CAMK2D: variants seen among roughly 807,000 people sequenced by gnomAD.
The protein encoded by CAMK2D is calcium/calmodulin dependent protein kinase II delta.
Under a neutral mutation model 84.0 loss-of-function variants are expected in CAMK2D, and 37 were observed. The ratio of observed to expected loss-of-function variants is 0.44; its 90% CI spans 0.34 to 0.58. The LOEUF (loss-of-function observed/expected upper bound fraction) is 0.58, where lower values mean the gene tolerates loss of function less well. Ranked by LOEUF, CAMK2D falls within the 20% of genes least tolerant of loss-of-function variation. The pLI, the probability that CAMK2D is intolerant of heterozygous loss-of-function variation, is 0.02. For missense variants in CAMK2D, 448 were observed against 652.5 expected, an observed-to-expected ratio of 0.69 and a Z score of 3.41; for synonymous variants, 202 against 212.5, an observed-to-expected ratio of 0.95 and a Z score of 0.43.
chr4:113,661,810 CA>C, intron 2 of CAMK2D, 38 bp from the exon 3 acceptor site: 1 of 1,033,498 alleles, frequency 9.7e-7, no homozygotes, highest in Non-Finnish European at 1.4e-6. Flanking sequence ...AAAAATAAAG[CA>C]AAAAATAATA....
At chr4:113,480,071 C>G (rs996875206) in intron 16 of CAMK2D, among the ~76,000 whole-genome samples, 27 of 152,146 alleles carry the variant, frequency 1.8e-4, no homozygotes, top group African/African-American at 6.5e-4. Context: ...CAGCAATTCT[C>G]CTGCCTCAGC....
At chr4:113,536,886 T>C (rs2154187436) in intron 7 of CAMK2D, among the ~76,000 whole-genome samples, 1 of 152,322 alleles carries the variant, frequency 6.6e-6, no homozygotes, top group African/African-American at 2.4e-5. Context: ...AGATGCTTCA[T>C]AATTTTTAAA....
At chr4:113,639,094 A>T (rs2099121536) in intron 3 of CAMK2D, among the ~76,000 whole-genome samples, 1 of 151,594 alleles carries the variant, frequency 6.6e-6, no homozygotes. Flanking sequence ...AAAAAAAAAA[A>T]AATAGCCCGG....
In CAMK2D at chr4:113,502,956, G is replaced by A. The variant is rs540792365; in HGVS notation, c.1066C>T (p.His356Tyr). 1.9e-6 allele frequency: 3 copies of A among 1,608,146 alleles called. No individual in the cohort carries two copies. Among genetic ancestry groups the A allele is most frequent in the East Asian group, 2.2e-5 (1 of 44,836 alleles). Residue 356 changes from histidine (H) to tyrosine (Y), a missense_variant, in exon 15 of 21, where the codon CAC (histidine) becomes TAC (tyrosine). Coordinates refer to ENST00000511664, the MANE Select transcript of CAMK2D (RefSeq NM_001321571.2). ...AATACCTTGTTTCCATCAGGGTTGT[G>A]GATTACAGTAGTTTGGGGCTCCTGA... is the stretch of plus-strand genomic sequence containing the variant. ...PALEPQTTVI[H>Y]NPDGNKESTE... is the part of the protein sequence containing the mutation.
Position 113,661,766 on chromosome 4 carries a change from T to C in CAMK2D, c.167A>G (p.Gln56Arg). 1 of 1,486,510 alleles carries C rather than the reference T, an allele frequency of 6.7e-7. No individual in the cohort carries two copies. Among genetic ancestry groups the C allele is most frequent in the Non-Finnish European group, 9.1e-7 (1 of 1,097,512 alleles). The allele number at this position is 1,486,510 out of a possible 1,614,324, so 92.1% of individuals were successfully genotyped here. ...GATTCTAGCTTCTCTTTCTAGTTTC[T>C]GATGATCTGTTAAAAAAAAAAACAG... is the stretch of plus-strand genomic sequence containing the variant. ...NTKKLSARDH[Q>R]KLEREARICR... is the part of the protein sequence containing the mutation. The change falls in exon 3 of 21, where the codon CAG becomes CGG. Residue 56 changes from glutamine to arginine, a missense_variant. Physicochemically the swap from Gln to Arg is conservative, Grantham distance 43 (BLOSUM62 1). This residue lies in a region of CAMK2D where 46 missense variants were observed against 46.3 expected (regional missense o/e 0.99). Coordinates refer to ENST00000511664, the MANE Select transcript of CAMK2D (RefSeq NM_001321571.2).
intron 2 of CAMK2D, among the ~76,000 whole-genome samples, chr4:113,702,059 T>C (rs556403485): frequency 7.2e-5 from 11 of 152,330 alleles, no homozygotes; most frequent in Non-Finnish European, 1.3e-4. Flanking sequence ...ATCACTCTTT[T>C]CTGCTCAAAT....
chr4:113,643,102 A>C (rs1561550966), intron 3 of CAMK2D, among the ~76,000 whole-genome samples: 2 of 152,250 alleles, frequency 1.3e-5, no homozygotes, highest in African/African-American at 4.8e-5. Context: ...ATTAGAAATT[A>C]AACAATCAAA....
chr4:113,504,640 TCAG>T (rs1373965943), intron 14 of CAMK2D, among the ~76,000 whole-genome samples: 1 of 152,138 alleles, frequency 6.6e-6, no homozygotes, highest in South Asian at 2.1e-4. Flanking sequence ...ACTATCATCA[TCAG>T]AAGAGCTAAG....
chr4:113,471,430 T>C (rs1347855731), intron 16 of CAMK2D, among the ~76,000 whole-genome samples: 1 of 152,166 alleles, frequency 6.6e-6, no homozygotes, highest in East Asian at 1.9e-4. Flanking sequence ...ATTCTAAACA[T>C]CTGAATTTGT....
intron 6 of CAMK2D, among the ~76,000 whole-genome samples, chr4:113,544,818 G>A (rs1325881979): frequency 6.6e-6 from 1 of 152,046 alleles, no homozygotes; most frequent in Non-Finnish European, 1.5e-5. Context: ...TCAGACAAAA[G>A]GCTGTGGTCC....
At chr4:113,562,405 T>C (rs2098702415) in intron 4 of CAMK2D, among the ~76,000 whole-genome samples, 2 of 152,350 alleles carry the variant, frequency 1.3e-5, no homozygotes, top group South Asian at 2.1e-4. Context: ...TAAGTCTAGA[T>C]CATTCAAATT....
At chr4:113,584,140 T>C (rs10488896) in intron 4 of CAMK2D, among the ~76,000 whole-genome samples, 9,336 of 152,244 alleles carry the variant, frequency 0.061, 344 homozygotes, top group South Asian at 0.1. Context: ...CTACAGAATG[T>C]GGGCCAAGAG....
rs1404961443 is a variant in CAMK2D, at chr4:113,489,986, GTTGT to G, written c.1135+10473_1135+10476del. On this transcript the variant is annotated intron_variant, in intron 16 of 20. Transcript: ENST00000511664. ...TATCCTTTGCCCACTTTTTGATGGG[GTTGT>G]TTGTTTTTTTCTTGTAAATGTGTTT... Among the ~76,000 whole-genome samples the G allele has an allele frequency of 3.5e-3, 522 of 149,678 alleles. 1 individual carries two copies. The highest frequency in any genetic ancestry group is 0.012 in the African/African-American group (483 of 40,422).
At chr4:113,548,210 C>T (rs2098597945) in intron 5 of CAMK2D, among the ~76,000 whole-genome samples, 1 of 152,118 alleles carries the variant, frequency 6.6e-6, no homozygotes, top group Non-Finnish European at 1.5e-5. Flanking sequence ...ATTTAGCTGG[C>T]AATTAATATC....
At chr4:113,645,462 G>A (rs1978140) in intron 3 of CAMK2D, among the ~76,000 whole-genome samples, 9,529 of 152,222 alleles carry the variant, frequency 0.063, 532 homozygotes, top group East Asian at 0.21. Context: ...AGGTAGCACT[G>A]CCAGCACAGC....
At chr4:113,517,512 C>A in intron 9 of CAMK2D, 51 bp downstream of exon 9, 1 of 809,906 alleles carries the variant, frequency 1.2e-6, no homozygotes, top group Non-Finnish European at 2.0e-6. Context: ...TCTTGGTCAA[C>A]AGGCAAAAGA....
intron 3 of CAMK2D, among the ~76,000 whole-genome samples, chr4:113,626,613 T>C (rs1345930958): frequency 1.3e-5 from 2 of 152,160 alleles, no homozygotes; most frequent in South Asian, 2.1e-4. Flanking sequence ...TAGAAGCACT[T>C]GACTGGATCA....
In CAMK2D at chr4:113,578,944, A is replaced by G. The variant is rs535726111; in HGVS notation, c.276-26848T>C. On this transcript the variant is annotated intron_variant, in intron 4 of 20. Transcript: ENST00000511664. The stretch of plus-strand genomic sequence containing the variant: ...ACTGAGTATATCTGAAGAATGACAA[A>G]CAATTAAAAAATATGCTACAAAATA... Among the ~76,000 whole-genome samples the G allele has an allele frequency of 1.7e-4, 25 of 150,682 alleles. No individual in the cohort carries two copies. In the South Asian group the frequency reaches 4.9e-3, roughly 29 times the overall value.
At chr4:113,538,524 T>A (rs1053987549) in intron 6 of CAMK2D, among the ~76,000 whole-genome samples, 1 of 152,072 alleles carries the variant, frequency 6.6e-6, no homozygotes, top group Non-Finnish European at 1.5e-5. Flanking sequence ...CTGAAAAAAG[T>A]TGGGAAACAA....
Sources: allele counts gnomAD v4.1 joint callset (sites outside exome capture counted in the v4.1 genomes callset), GRCh38; gene constraint gnomAD v4.1.1; regional missense constraint gnomAD v4.1.1; transcripts MANE v1.5; gene names NCBI Gene and HGNC (gene_info 2026-07-23, HGNC 2026-07-21).